The following KCNH8 variants were observed in gnomAD, a reference collection of about 807,000 sequenced individuals.
The protein encoded by KCNH8 is potassium voltage-gated channel subfamily H member 8.
In KCNH8, 70 loss-of-function variants were observed where a neutral mutation model predicts 103.6. The observed-to-expected ratio is 0.68, with a 90% CI of 0.56 to 0.82. The LOEUF (loss-of-function observed/expected upper bound fraction) is 0.82, where lower values mean the gene tolerates loss of function less well. KCNH8 is among the 40% of genes least tolerant of loss of function. The pLI is 0.00. For missense variants in KCNH8, 1,217 were observed against 1,329.9 expected (o/e 0.92, Z 1.32); for synonymous variants, 498 against 489.4 (o/e 1.02, Z -0.23).
At chr3:19,481,140 T>G (rs2068078459) in intron 11 of KCNH8, among the ~76,000 whole-genome samples, 1 of 152,216 alleles carries the variant, frequency 6.6e-6, no homozygotes, top group Non-Finnish European at 1.5e-5. Flanking sequence ...CTCAATCTTC[T>G]TTATCTCTCT....
At chr3:19,530,615 G>C (rs2069143914) in intron 15 of KCNH8, among the ~76,000 whole-genome samples, 1 of 152,130 alleles carries the variant, frequency 6.6e-6, no homozygotes, top group Non-Finnish European at 1.5e-5. Context: ...ATATTTTACT[G>C]TGTTTAATCA....
intron 11 of KCNH8, among the ~76,000 whole-genome samples, chr3:19,461,049 A>C (rs1304502620): frequency 6.6e-6 from 1 of 152,198 alleles, no homozygotes; most frequent in African/African-American, 2.4e-5. Flanking sequence ...TATTAGCGGC[A>C]TGAGAACAGA....
At chr3:19,338,789 A>C (rs951985837) in intron 3 of KCNH8, among the ~76,000 whole-genome samples, 1 of 151,980 alleles carries the variant, frequency 6.6e-6, no homozygotes, top group Non-Finnish European at 1.5e-5. Flanking sequence ...TTTTGTACTC[A>C]ATATTATGTT....
At position 19,491,835 on chromosome 3, in the gene KCNH8, T is replaced by C. The variant is rs2068328679; in HGVS notation, c.2041-18528T>C. 2.0e-5 allele frequency among the ~76,000 whole-genome samples: 3 copies of C among 152,210 alleles called. No individual in the cohort carries two copies. The South Asian group carries it at 6.2e-4, about 31-fold the overall frequency. On this transcript the variant is annotated intron_variant, in intron 11 of 15. Transcript: ENST00000328405. ...CCTTTTCTCCACAGCTTTGCCAGCA[T>C]CTGTTTTTTGACTTTTTAATAACAG...
chr3:19,511,177 T>C (rs1429611752), intron 12 of KCNH8, among the ~76,000 whole-genome samples: 1 of 149,598 alleles, frequency 6.7e-6, no homozygotes, highest in Non-Finnish European at 1.5e-5. Flanking sequence ...CAGTGTGTGA[T>C]GTTCCCCTCC....
At chr3:19,149,354 A>G (rs2063105953) in intron 1 of KCNH8, among the ~76,000 whole-genome samples, 1 of 152,124 alleles carries the variant, frequency 6.6e-6, no homozygotes, top group African/African-American at 2.4e-5. Context: ...AGAATAGCGT[A>G]TCTTTTAATC....
intron 2 of KCNH8, among the ~76,000 whole-genome samples, chr3:19,266,812 C>A (rs558129931): frequency 6.6e-6 from 1 of 152,130 alleles, no homozygotes; most frequent in African/African-American, 2.4e-5. Context: ...TTATGGTTAC[C>A]TTTCCTCCCA....
chr3:19,329,182 T>C (rs2065470887), intron 3 of KCNH8, among the ~76,000 whole-genome samples: 1 of 152,334 alleles, frequency 6.6e-6, no homozygotes, highest in South Asian at 2.1e-4. Context: ...ACATTTCCTC[T>C]GTTTATGGAG....
intron 11 of KCNH8, among the ~76,000 whole-genome samples, chr3:19,483,401 AT>A (rs926397406): frequency 1.5e-4 from 23 of 150,064 alleles, no homozygotes; most frequent in South Asian, 6.3e-4. Context: ...GGGTGAGTGG[AT>A]TTTTTTTTTC....
rs184868732 is a variant in KCNH8, at chr3:19,163,272, G to A, written c.76+14477G>A. Among the ~76,000 whole-genome samples, 241 of 149,924 alleles carry A rather than the reference G, an allele frequency of 1.6e-3. 2 individuals carry two copies. Among genetic ancestry groups the A allele is most frequent in the African/African-American group, 5.6e-3 (228 of 41,068 alleles). On this transcript the variant is annotated intron_variant, in intron 1 of 15. Transcript: ENST00000328405. ...GTACTATTTTATTTTCAGGTAATGT[G>A]TATATATAAAATTATATATATATAT... is the stretch of plus-strand genomic sequence containing the variant.
intron 15 of KCNH8, among the ~76,000 whole-genome samples, chr3:19,529,482 A>G (rs2069123938): frequency 6.6e-6 from 1 of 152,176 alleles, no homozygotes; most frequent in South Asian, 2.1e-4. Flanking sequence ...TAGCAAATGC[A>G]TGTCTTCTTA....
intron 3 of KCNH8, among the ~76,000 whole-genome samples, chr3:19,294,894 C>A (rs371293978): frequency 6.6e-6 from 1 of 152,092 alleles, no homozygotes; most frequent in Non-Finnish European, 1.5e-5. Context: ...GGATTGCATT[C>A]GTTCTGATGG....
At chr3:19,420,438 A>G (rs2125156068) in intron 7 of KCNH8, among the ~76,000 whole-genome samples, 1 of 152,234 alleles carries the variant, frequency 6.6e-6, no homozygotes, top group African/African-American at 2.4e-5. Flanking sequence ...GGCTTTTTTG[A>G]CTGTGACGCA....
intron 1 of KCNH8, among the ~76,000 whole-genome samples, chr3:19,247,507 G>A (rs569264855): frequency 6.6e-6 from 1 of 152,240 alleles, no homozygotes; most frequent in African/African-American, 2.4e-5. Context: ...GAAAGCATAG[G>A]GGGGCAACTC....
intron 1 of KCNH8, among the ~76,000 whole-genome samples, chr3:19,204,607 A>T (rs2063695882): frequency 6.6e-6 from 1 of 151,930 alleles, no homozygotes; most frequent in Non-Finnish European, 1.5e-5. Flanking sequence ...AAAAATATCA[A>T]GGTTGGGGAG....
chr3:19,408,616 A>T (rs1477051162), intron 7 of KCNH8, among the ~76,000 whole-genome samples: 2 of 152,272 alleles, frequency 1.3e-5, no homozygotes, highest in East Asian at 1.9e-4. Flanking sequence ...CACAAAAAAA[A>T]TTCTAAAGCA....
chr3:19,224,504 C>T (rs1164252845), intron 1 of KCNH8, among the ~76,000 whole-genome samples: 1 of 151,208 alleles, frequency 6.6e-6, no homozygotes, highest in African/African-American at 2.4e-5. Context: ...ATAATTTATT[C>T]CTATGAGGTT....
chr3:19,308,773 CCTCT>C (rs1412970970), intron 3 of KCNH8, among the ~76,000 whole-genome samples: 23 of 25,940 alleles, frequency 8.9e-4, no homozygotes, highest in Admixed American at 6.8e-3. Context: ...TCTCTCCCTC[CCTCT>C]CTCTCTCTCC....
intron 3 of KCNH8, among the ~76,000 whole-genome samples, chr3:19,325,663 A>G (rs1405875068): frequency 6.6e-6 from 1 of 152,224 alleles, no homozygotes; most frequent in Non-Finnish European, 1.5e-5. Flanking sequence ...CAGAATGGCC[A>G]CTGTGAAATG....
Sources: allele counts gnomAD v4.1 joint callset (sites outside exome capture counted in the v4.1 genomes callset), GRCh38; gene constraint gnomAD v4.1.1; transcripts MANE v1.5; gene names NCBI Gene and HGNC (gene_info 2026-07-23, HGNC 2026-07-21).